The following AGBL1 variants were observed in gnomAD, a reference collection of about 807,000 sequenced individuals.
AGBL1 encodes the protein AGBL carboxypeptidase 1.
In AGBL1, 130 loss-of-function variants were observed where a neutral mutation model predicts 118.9. The observed-to-expected ratio is 1.09, with a 90% confidence interval of 0.95 to 1.26. The LOEUF (loss-of-function observed/expected upper bound fraction) is 1.26, where lower values mean the gene tolerates loss of function less well. Ranked by LOEUF, AGBL1 falls within the 50% of genes most tolerant of loss-of-function variation. The probability of loss-of-function intolerance (pLI) is 0.00; values close to 1 mark genes in which losing one functional copy is unlikely to be tolerated. For missense variants in AGBL1, 1,584 were observed against 1,298.1 expected, an observed-to-expected ratio of 1.22 and a Z score of -3.38; for synonymous variants, 555 against 478.9, an observed-to-expected ratio of 1.16 and a Z score of -2.08.
chr15:86,122,359 A>G (rs1898140833), intron 1 of AGBL1, among the ~76,000 whole-genome samples: 1 of 152,246 alleles, frequency 6.6e-6, no homozygotes, highest in Admixed American at 6.5e-5. Flanking sequence ...TTTAAAGAAT[A>G]TGTATAGATA....
downstream of AGBL1, among the ~76,000 whole-genome samples, chr15:86,916,576 A>G (rs2080426915): frequency 6.6e-6 from 1 of 152,238 alleles, no homozygotes; most frequent in Non-Finnish European, 1.5e-5. Flanking sequence ...CATATGGAAT[A>G]GAACATTATA....
intron 17 of AGBL1, among the ~76,000 whole-genome samples, chr15:86,380,446 C>G (rs547703259): frequency 3.3e-5 from 5 of 151,428 alleles, no homozygotes; most frequent in African/African-American, 1.2e-4. Flanking sequence ...CACCTGAGCC[C>G]GGCCCTTTCC....
chr15:86,722,857 A>G (rs1340664991), intron 22 of AGBL1, among the ~76,000 whole-genome samples: 1 of 152,192 alleles, frequency 6.6e-6, no homozygotes, highest in East Asian at 1.9e-4. Flanking sequence ...ATGAACAGAC[A>G]CTTCTCAAAA....
intron 18 of AGBL1, among the ~76,000 whole-genome samples, chr15:86,487,635 C>A (rs188731461): frequency 6.4e-4 from 97 of 151,846 alleles, no homozygotes; most frequent in Non-Finnish European, 1.1e-3. Context: ...GCAAGGAGGC[C>A]GAGACCAGTG....
intron 22 of AGBL1, among the ~76,000 whole-genome samples, chr15:86,809,597 G>T (rs2078761611): frequency 6.6e-6 from 1 of 152,144 alleles, no homozygotes; most frequent in Non-Finnish European, 1.5e-5. Context: ...CATTCTGGTG[G>T]CATTGCCTTA....
At chr15:86,707,980 C>T (rs1056181642) in intron 22 of AGBL1, among the ~76,000 whole-genome samples, 3 of 152,156 alleles carry the variant, frequency 2.0e-5, no homozygotes, top group Non-Finnish European at 2.9e-5. Context: ...TTTAGCTACT[C>T]AGTCTCAAAA....
chr15:86,818,763 T>G (rs537424101), intron 22 of AGBL1, among the ~76,000 whole-genome samples: 1 of 152,172 alleles, frequency 6.6e-6, no homozygotes, highest in Admixed American at 6.5e-5. Flanking sequence ...TGGCTCAGCA[T>G]AGTAATTTTG....
At chr15:86,813,422 G>A (rs942978892) in intron 22 of AGBL1, among the ~76,000 whole-genome samples, 1 of 152,124 alleles carries the variant, frequency 6.6e-6, no homozygotes, top group Non-Finnish European at 1.5e-5. Flanking sequence ...GACAAAAAGT[G>A]CCTCTATCAC....
chr15:86,769,848 C>T (rs576320894), intron 22 of AGBL1, among the ~76,000 whole-genome samples: 10 of 151,998 alleles, frequency 6.6e-5, no homozygotes, highest in Admixed American at 4.6e-4. Flanking sequence ...CTTTTAAAGT[C>T]ACAAATGCAA....
intron 17 of AGBL1, among the ~76,000 whole-genome samples, chr15:86,301,641 G>GGTGTGTGTGT (rs60282415): frequency 7.3e-6 from 1 of 137,242 alleles, no homozygotes; most frequent in Non-Finnish European, 1.6e-5. Flanking sequence ...TAATCTACAG[G>GGTGTGTGTGT]GTGTGTGTGT....
chr15:86,803,368 A>T (rs1331427804), intron 22 of AGBL1, among the ~76,000 whole-genome samples: 2 of 152,126 alleles, frequency 1.3e-5, no homozygotes, highest in Non-Finnish European at 2.9e-5. Context: ...ACCTTCTGCC[A>T]TGATTGTAAG....
At chr15:86,749,053 A>G (rs1423176277) in intron 22 of AGBL1, among the ~76,000 whole-genome samples, 7 of 152,138 alleles carry the variant, frequency 4.6e-5, no homozygotes, top group Non-Finnish European at 1.0e-4. Context: ...GAAGAAAGTC[A>G]TTGGTAGCTT....
At chr15:86,590,621 A>G (rs2084321010) in intron 21 of AGBL1, among the ~76,000 whole-genome samples, 1 of 152,214 alleles carries the variant, frequency 6.6e-6, no homozygotes. Context: ...TGTTATGTAG[A>G]TGAAACCTCA....
In AGBL1 at chr15:86,365,016, C is replaced by CACACACAT. The variant is rs1183004112; in HGVS notation, c.2375-32349_2375-32348insCACACATA. Among the ~76,000 whole-genome samples the CACACACAT allele has an allele frequency of 6.3e-3, 769 of 121,660 alleles. 16 individuals carry two copies. Among genetic ancestry groups the CACACACAT allele is most frequent in the African/African-American group, 0.024 (744 of 31,490 alleles). 79.8% of individuals were successfully genotyped at this position (121,660 alleles called of 152,430 possible). On this transcript the variant is annotated intron_variant, in intron 17 of 22. Transcript: ENST00000614907. ...ACACACACATATATATATACACACA[C>CACACACAT]ATATATATATACACACACATATATA...
chr15:86,738,526 A>G (rs201474462), intron 22 of AGBL1, among the ~76,000 whole-genome samples: 1 of 152,238 alleles, frequency 6.6e-6, no homozygotes, highest in Non-Finnish European at 1.5e-5. Flanking sequence ...CAAATTCAGT[A>G]AACTGGCAAA....
At chr15:86,797,984 T>A (rs533806389) in intron 22 of AGBL1, among the ~76,000 whole-genome samples, 1 of 152,306 alleles carries the variant, frequency 6.6e-6, no homozygotes, top group South Asian at 2.1e-4. Context: ...CAGAATGTCT[T>A]GGAGGTTCAT....
chr15:87,026,666 A>G (rs1480994841), intron 24 of AGBL1, among the ~76,000 whole-genome samples: 2 of 151,638 alleles, frequency 1.3e-5, no homozygotes, highest in African/African-American at 4.9e-5. Context: ...GAGTCATTAT[A>G]CAAAAAAGAT....
chr15:86,824,162 T>C (rs140292832), intron 22 of AGBL1, among the ~76,000 whole-genome samples: 1,804 of 152,120 alleles, frequency 0.012, 25 homozygotes, highest in Middle Eastern at 0.061. Context: ...CATAAGATTG[T>C]CTATGTAAAA....
intron 22 of AGBL1, among the ~76,000 whole-genome samples, chr15:86,815,178 T>A (rs746083458): frequency 2.0e-5 from 3 of 152,232 alleles, no homozygotes; most frequent in Non-Finnish European, 4.4e-5. Context: ...CTCTCCACAG[T>A]AATGACTTAA....
Sources: gnomAD v4.1 joint callset for allele counts (sites outside exome capture counted in the v4.1 genomes callset) on GRCh38, gnomAD v4.1.1 for gene constraint, MANE v1.5 for transcripts, NCBI Gene and HGNC (gene_info 2026-07-23, HGNC 2026-07-21) for gene names.